Variants in PDE3B observed in about 807,000 individuals in gnomAD.
The protein encoded by PDE3B is cGMP-inhibited 3',5'-cyclic phosphodiesterase 3B.
A neutral mutation model predicts 116.8 loss-of-function variants in PDE3B; 66 were observed. That is an observed-to-expected ratio of 0.56 (90% CI 0.46 to 0.69). The LOEUF is 0.69. PDE3B is among the 30% of genes least tolerant of loss of function. The probability of loss-of-function intolerance (pLI) is 0.00; values close to 1 mark genes in which losing one functional copy is unlikely to be tolerated. For synonymous variants in PDE3B, 595 were observed against 533.6 expected, an observed-to-expected ratio of 1.12 and a Z score of -1.59; for missense variants, 1,384 against 1,368.1, an observed-to-expected ratio of 1.01 and a Z score of -0.18.
the PDE3B span, chr11:14,886,021 C>T: frequency 5.9e-4 from 674 of 1,149,606 alleles, 1 homozygote; most frequent in African/African-American, 6.6e-3. Flanking sequence ...GGATTTGTTA[C>T]GTCCCTGAAA....
chr11:14,883,757 A>T, the PDE3B span, among the ~76,000 whole-genome samples: 1 of 152,072 alleles, frequency 6.6e-6, no homozygotes, highest in African/African-American at 2.4e-5. Flanking sequence ...AACCTACAAA[A>T]TGGGAGAAAA....
chr11:14,855,701 CAGACAG>C (rs1847836573), intron 12 of PDE3B, among the ~76,000 whole-genome samples: 1 of 151,750 alleles, frequency 6.6e-6, no homozygotes, highest in African/African-American at 2.4e-5. Flanking sequence ...CCAAGAGAGA[CAGACAG>C]AGAGAGAAAG....
chr11:14,734,412 C>T (rs1054133412), intron 1 of PDE3B, among the ~76,000 whole-genome samples: 1 of 152,168 alleles, frequency 6.6e-6, no homozygotes, highest in Non-Finnish European at 1.5e-5. Context: ...CTTACTGTTT[C>T]TTATAACTTA....
chr11:14,644,244 G>A lies in PDE3B; in HGVS notation c.169G>A (p.Val57Met), dbSNP rs745916489. The A allele has an allele frequency of 9.5e-6, 15 of 1,578,498 alleles. 1 individual carries two copies. The highest frequency in any genetic ancestry group is 2.7e-5 in the African/African-American group (2 of 73,212). ...CTTCCACCTCTGCCGCTTCTGCAAC[G>A]TGGAGCTGCGGCCGCCGCCGGCCTC... ...FFFHLCRFCN[V>M]ELRPPPASPQ... Residue 57 changes from valine (V) to methionine (M), a missense_variant, in exon 1 of 16, where the codon GTG becomes ATG. Physicochemically the swap from Val to Met is conservative, Grantham distance 21 (BLOSUM62 1). Coordinates refer to ENST00000282096, the MANE Select transcript of PDE3B (RefSeq NM_000922.4).
At chr11:14,828,584 G>T (rs1360584116) in intron 7 of PDE3B, among the ~76,000 whole-genome samples, 3 of 152,182 alleles carry the variant, frequency 2.0e-5, no homozygotes, top group Non-Finnish European at 4.4e-5. Context: ...GATCATTAGC[G>T]AAATGCAAGT....
intron 1 of PDE3B, among the ~76,000 whole-genome samples, chr11:14,727,127 A>T (rs2133850079): frequency 6.6e-6 from 1 of 152,240 alleles, no homozygotes; most frequent in African/African-American, 2.4e-5. Flanking sequence ...GTCCTTGGTA[A>T]ATGATTCACA....
intron 11 of PDE3B, among the ~76,000 whole-genome samples, chr11:14,843,523 G>T (rs539216730): frequency 6.6e-6 from 1 of 152,218 alleles, no homozygotes; most frequent in Non-Finnish European, 1.5e-5. Flanking sequence ...TCATTAAACA[G>T]CAAATATTTA....
At chr11:14,668,610 C>T (rs1854262844) in intron 1 of PDE3B, among the ~76,000 whole-genome samples, 1 of 152,040 alleles carries the variant, frequency 6.6e-6, no homozygotes, top group Non-Finnish European at 1.5e-5. Context: ...TGGATGATAT[C>T]CTACCCATTT....
chr11:14,761,246 C>T (rs1421933404), intron 1 of PDE3B, among the ~76,000 whole-genome samples: 1 of 152,022 alleles, frequency 6.6e-6, no homozygotes, highest in Non-Finnish European at 1.5e-5. Context: ...CTTTCTATGC[C>T]ATTTGGAATT....
intron 14 of PDE3B, among the ~76,000 whole-genome samples, chr11:14,865,044 AT>A (rs1848018177): frequency 6.6e-6 from 1 of 152,222 alleles, no homozygotes; most frequent in Non-Finnish European, 1.5e-5. Flanking sequence ...AAATCAATGA[AT>A]CCAGGAGCTG....
chr11:14,776,850 G>T (rs1340206029), intron 2 of PDE3B, among the ~76,000 whole-genome samples: 1 of 151,356 alleles, frequency 6.6e-6, no homozygotes, highest in African/African-American at 2.4e-5. Flanking sequence ...AAAATATTGA[G>T]GATAAAATAA....
chr11:14,674,138 C>T, intron 1 of PDE3B: 2 of 1,432,062 alleles, frequency 1.4e-6, no homozygotes, highest in Non-Finnish European at 2.0e-6. Context: ...GTAGGATCTA[C>T]CCGGGTCCTT....
chr11:14,648,291 A>C (rs953296283), intron 1 of PDE3B, among the ~76,000 whole-genome samples: 1 of 152,102 alleles, frequency 6.6e-6, no homozygotes, highest in African/African-American at 2.4e-5. Flanking sequence ...TGGTTAGGTA[A>C]ATATTTAAAA....
chr11:14,675,709 A>C (rs1854513175), intron 1 of PDE3B, among the ~76,000 whole-genome samples: 1 of 152,178 alleles, frequency 6.6e-6, no homozygotes, highest in African/African-American at 2.4e-5. Context: ...ATATTCAATG[A>C]ATATGTTCCC....
At chr11:14,713,815 T>C (rs563754681) in intron 1 of PDE3B, among the ~76,000 whole-genome samples, 1 of 152,298 alleles carries the variant, frequency 6.6e-6, no homozygotes, top group African/African-American at 2.4e-5. Context: ...AGGTGGAATT[T>C]AAGCCAGAGG....
Position 14,644,613 on chromosome 11 carries a change from GACGCA to G in PDE3B, c.539_543del (p.Asp180GlyfsTer158). The G allele has an allele frequency of 6.5e-7, 1 of 1,539,034 alleles. No homozygotes were observed. Among genetic ancestry groups the G allele is most frequent in the Non-Finnish European group, 8.7e-7 (1 of 1,145,518 alleles). On this transcript the variant is annotated frameshift_variant, in exon 1 of 16. Transcript: ENST00000282096. LOFTEE classifies it high-confidence loss of function. ...GTGGTCTTGGCCTTGGGGGGATGGC[GACGCA>G]GGGTCCGCGGCCCCGCACACGCCCC...
At chr11:14,892,005 T>C in the PDE3B span, 7 of 1,613,306 alleles carry the variant, frequency 4.3e-6, no homozygotes, top group South Asian at 7.7e-5. Flanking sequence ...GGCTCTGCTT[T>C]CTCATGTAGA....
At chr11:14,702,771 C>T (rs1228458181) in intron 1 of PDE3B, among the ~76,000 whole-genome samples, 2 of 151,906 alleles carry the variant, frequency 1.3e-5, no homozygotes, top group African/African-American at 4.8e-5. Context: ...TCAGTCCAGT[C>T]CAGTGCAGAT....
At chr11:14,736,073 T>C (rs1856589905) in intron 1 of PDE3B, among the ~76,000 whole-genome samples, 1 of 152,016 alleles carries the variant, frequency 6.6e-6, no homozygotes, top group South Asian at 2.1e-4. Flanking sequence ...TTACCTGTGC[T>C]CTTCTCTCTT....
Sources: allele counts gnomAD v4.1 joint callset (sites outside exome capture counted in the v4.1 genomes callset), GRCh38; gene constraint gnomAD v4.1.1; transcripts MANE v1.5; gene names NCBI Gene and HGNC (gene_info 2026-07-23, HGNC 2026-07-21).